Variants in PLEKHA7 observed in about 807,000 individuals in gnomAD.
PLEKHA7 encodes pleckstrin homology domain-containing family A member 7.
A neutral mutation model predicts 170.0 loss-of-function variants in PLEKHA7; 104 were observed. The observed-to-expected ratio is 0.61, with a 90% CI of 0.52 to 0.72. The LOEUF is 0.72. Among genes scored for constraint, PLEKHA7 ranks in the 30% least tolerant of loss-of-function variants. The probability of loss-of-function intolerance (pLI) is 0.00; values close to 1 mark genes in which losing one functional copy is unlikely to be tolerated. For missense variants in PLEKHA7, 1,615 were observed against 1,671.7 expected, an observed-to-expected ratio of 0.97 and a Z score of 0.59; for synonymous variants, 648 against 660.8, an observed-to-expected ratio of 0.98 and a Z score of 0.30.
chr11:16,850,818 A>G (rs1254831016), intron 8 of PLEKHA7, among the ~76,000 whole-genome samples: 1 of 152,234 alleles, frequency 6.6e-6, no homozygotes, highest in Non-Finnish European at 1.5e-5. Flanking sequence ...GTGAGTTTTC[A>G]TAATACAATG....
rs1464921999 is a variant in PLEKHA7, at chr11:16,883,242, TCA to T, written c.222-12062_222-12061del. 2.8e-4 allele frequency among the ~76,000 whole-genome samples: 42 copies of T among 152,126 alleles called. 2 individuals carry two copies. The highest frequency in any genetic ancestry group is 2.7e-3 in the Admixed American group (42 of 15,280). Reference sequence around the variant, plus strand: ...GCAGAAGTTGGCAAGCTTCGAAGACTCACACTCTTAAGAGTGGAGGAACAGGA... The same window carrying T: ...GCAGAAGTTGGCAAGCTTCGAAGACTCACTCTTAAGAGTGGAGGAACAGGA... On this transcript the variant is annotated intron_variant, in intron 3 of 26. Transcript: ENST00000531066.
intron 3 of PLEKHA7, among the ~76,000 whole-genome samples, chr11:16,895,916 A>C (rs1856965218): frequency 6.6e-6 from 1 of 152,150 alleles, no homozygotes; most frequent in Admixed American, 6.5e-5. Flanking sequence ...AACTTGTAAA[A>C]ATTTGCTCTT....
chr11:16,992,082 C>A lies in PLEKHA7; in HGVS notation c.221+21907G>T, dbSNP rs11024108. Among the ~76,000 whole-genome samples, 22 of 152,210 alleles carry A rather than the reference C, an allele frequency of 1.4e-4. No individual in the cohort carries two copies. The East Asian group carries it at 3.5e-3, about 24-fold the overall frequency. ...ACTGAATTTGGTCCAGGGACCCCCCCCAGCCTGGGCATGCAGGTCTGGGAG... is the reference window on the plus strand; with the variant it reads ...ACTGAATTTGGTCCAGGGACCCCCCACAGCCTGGGCATGCAGGTCTGGGAG... On this transcript the variant is annotated intron_variant, in intron 3 of 26. Coordinates refer to ENST00000531066, the MANE Select transcript of PLEKHA7 (RefSeq NM_001329630.2).
chr11:16,889,399 T>TAAAAAA (rs1856445302), intron 3 of PLEKHA7, among the ~76,000 whole-genome samples: 1 of 28,100 alleles, frequency 3.6e-5, no homozygotes, highest in Non-Finnish European at 7.6e-5. Context: ...GCTTTATTGC[T>TAAAAAA]CAAAAAAAAA....
chr11:16,998,547 A>G (rs1243506529), intron 3 of PLEKHA7, among the ~76,000 whole-genome samples: 1 of 152,192 alleles, frequency 6.6e-6, no homozygotes, highest in Non-Finnish European at 1.5e-5. Flanking sequence ...CCTTTCCCCA[A>G]AAGAATTAAT....
intron 10 of PLEKHA7, among the ~76,000 whole-genome samples, chr11:16,824,571 C>T (rs974672576): frequency 2.0e-5 from 3 of 152,150 alleles, no homozygotes; most frequent in Non-Finnish European, 2.9e-5. Flanking sequence ...TCCTTCATCC[C>T]GCATTCGAAT....
chr11:16,816,411 A>T (rs1849761125), intron 11 of PLEKHA7, 147 bp from the exon 12 acceptor site: 2 of 649,718 alleles, frequency 3.1e-6, no homozygotes, highest in East Asian at 5.5e-5. Context: ...GGGTTAGAAC[A>T]CTAAACTGTG....
intron 13 of PLEKHA7, among the ~76,000 whole-genome samples, chr11:16,806,355 T>G (rs549733792): frequency 6.3e-4 from 96 of 152,372 alleles, no homozygotes; most frequent in Non-Finnish European, 1.1e-3. Context: ...AAAAGTGTGT[T>G]TGTTATAGCC....
At chr11:16,861,418 C>G (rs564342641) in intron 4 of PLEKHA7, among the ~76,000 whole-genome samples, 22 of 151,266 alleles carry the variant, frequency 1.5e-4, no homozygotes, top group African/African-American at 5.1e-4. Flanking sequence ...AATCTCAGGC[C>G]AAGGCAAGCG....
chr11:16,887,617 A>G (rs1013094398), intron 3 of PLEKHA7, among the ~76,000 whole-genome samples: 1 of 152,126 alleles, frequency 6.6e-6, no homozygotes, highest in Non-Finnish European at 1.5e-5. Context: ...GCTGGTCTCC[A>G]GCTCCTAACC....
At chr11:16,787,199 G>A in intron 23 of PLEKHA7, 1 of 985,414 alleles carries the variant, frequency 1.0e-6, no homozygotes, top group Non-Finnish European at 1.2e-6. Flanking sequence ...CCGCTGAGCA[G>A]GTTGTTGAGA....
chr11:16,881,120 T>C (rs2135791406), intron 3 of PLEKHA7, among the ~76,000 whole-genome samples: 2 of 152,362 alleles, frequency 1.3e-5, no homozygotes, highest in Admixed American at 1.3e-4. Flanking sequence ...TGGTTGTTTT[T>C]ATTTAACTGT....
chr11:16,977,314 C>A (rs548624762), intron 3 of PLEKHA7, among the ~76,000 whole-genome samples: 1 of 152,048 alleles, frequency 6.6e-6, no homozygotes, highest in African/African-American at 2.4e-5. Flanking sequence ...AAACAGGCTC[C>A]CACTTCTCAA....
chr11:17,003,042 G>A lies in PLEKHA7; in HGVS notation c.221+10947C>T, dbSNP rs959168803. 7.1e-5 allele frequency among the ~76,000 whole-genome samples: 10 copies of A among 140,858 alleles called. No individual in the cohort carries two copies. In the South Asian group the frequency reaches 2.2e-3, roughly 31 times the overall value. 92.4% of individuals were successfully genotyped at this position (140,858 alleles called of 152,430 possible). ...AGTTTCGCTCTTGTTGCCTAGGCTG[G>A]CATGCAATGGCGCAATTTCGGCTCA... On this transcript the variant is annotated intron_variant, in intron 3 of 26. Transcript: ENST00000531066.
intron 24 of PLEKHA7, among the ~76,000 whole-genome samples, chr11:16,785,242 CT>C (rs1564901790): frequency 6.6e-6 from 1 of 152,246 alleles, no homozygotes; most frequent in Non-Finnish European, 1.5e-5. Flanking sequence ...ACAGGTCCTC[CT>C]CAGTTCTCAC....
chr11:16,973,001 G>C (rs1270176978), intron 3 of PLEKHA7, among the ~76,000 whole-genome samples: 1 of 152,338 alleles, frequency 6.6e-6, no homozygotes, highest in East Asian at 1.9e-4. Flanking sequence ...AGAGAGGCTT[G>C]ACTCTCGCTT....
At chr11:16,833,744 G>A (rs892157411) in intron 9 of PLEKHA7, among the ~76,000 whole-genome samples, 2 of 152,150 alleles carry the variant, frequency 1.3e-5, no homozygotes, top group Non-Finnish European at 2.9e-5. Context: ...ATAATAAATG[G>A]ACTCTAATAA....
intron 15 of PLEKHA7, among the ~76,000 whole-genome samples, chr11:16,802,302 T>C (rs217742): frequency 0.078 from 11,932 of 152,250 alleles, 515 homozygotes; most frequent in Non-Finnish European, 0.092. Flanking sequence ...ATAGCCCAGA[T>C]CCTAGGAGAC....
At chr11:16,870,874 T>C (rs1382161195) in intron 4 of PLEKHA7, among the ~76,000 whole-genome samples, 1 of 152,134 alleles carries the variant, frequency 6.6e-6, no homozygotes, top group Non-Finnish European at 1.5e-5. Context: ...ACAATACCCA[T>C]CATAGCACAT....
Sources: allele counts gnomAD v4.1 joint callset (sites outside exome capture counted in the v4.1 genomes callset), GRCh38; gene constraint gnomAD v4.1.1; transcripts MANE v1.5; gene names NCBI Gene and HGNC (gene_info 2026-07-23, HGNC 2026-07-21).